The following RAD9B variants were observed in gnomAD, a reference collection of about 807,000 sequenced individuals.
RAD9B encodes RAD9 checkpoint clamp component B.
Under a neutral mutation model 48.3 loss-of-function variants are expected in RAD9B, and 41 were observed. That is an observed-to-expected ratio of 0.85 (90% CI 0.66 to 1.10). The LOEUF is 1.10. Among genes scored for constraint, RAD9B ranks in the 50% least tolerant of loss-of-function variants. The probability of loss-of-function intolerance (pLI) is 0.00; values close to 1 mark genes in which losing one functional copy is unlikely to be tolerated. For missense variants in RAD9B, 444 were observed against 485.1 expected (o/e 0.92, Z 0.80); for synonymous variants, 160 against 157.9 (o/e 1.01, Z -0.10).
At chr12:110,509,902 A>G (rs2063410336) in intron 4 of RAD9B, among the ~76,000 whole-genome samples, 1 of 152,172 alleles carries the variant, frequency 6.6e-6, no homozygotes, top group Non-Finnish European at 1.5e-5. Flanking sequence ...CTGTTCTTTT[A>G]TATCTTTTGC....
rs941710442 is a variant in RAD9B at position 110,519,933 on chromosome 12, A to C, written c.890+17A>C. ...ACGAAAAAGGTAAGACTGTGTTTTAACTTCTTTATTACTTGGGACAAGCCA... is the reference window on the plus strand; with the variant it reads ...ACGAAAAAGGTAAGACTGTGTTTTACCTTCTTTATTACTTGGGACAAGCCA... On this transcript the variant is annotated intron_variant, in intron 9 of 10. Transcript: ENST00000409300. The C allele has an allele frequency of 8.1e-6, 13 of 1,606,812 alleles. No homozygotes were observed. Among genetic ancestry groups the C allele is most frequent in the Non-Finnish European group, 1.1e-5 (13 of 1,177,362 alleles).
At chr12:110,503,442 A>T in intron 1 of RAD9B, 1 of 188,528 alleles carries the variant, frequency 5.3e-6, no homozygotes, top group Non-Finnish European at 1.1e-5. Context: ...ACTTCAGATT[A>T]TCTTCTCCAT....
In RAD9B at chr12:110,530,736, A is replaced by G; in HGVS notation, c.*83A>G. The G allele has an allele frequency of 1.3e-6, 2 of 1,581,064 alleles. No homozygotes were observed. The highest frequency in any genetic ancestry group is 2.3e-5 in the East Asian group (1 of 44,444). On this transcript the variant is annotated 3_prime_UTR_variant, in exon 11 of 11. Coordinates refer to ENST00000409300, the MANE Select transcript of RAD9B (RefSeq NM_001286535.2). ...GCACGAGTTTGCATGTTTAGTGTCT[A>G]AAAGAGGTTGTCCAGGACTTCCTTT... is the stretch of plus-strand genomic sequence containing the variant.
At chr12:110,517,960 G>A (rs911687986) in intron 6 of RAD9B, among the ~76,000 whole-genome samples, 3 of 151,932 alleles carry the variant, frequency 2.0e-5, no homozygotes, top group East Asian at 3.9e-4. Flanking sequence ...AGGCTGAGGC[G>A]GGTGGATCAC....
intron 4 of RAD9B, 37 bp from the exon 5 acceptor site, chr12:110,512,742 C>G (rs2063496112): frequency 1.2e-6 from 1 of 859,718 alleles, no homozygotes; most frequent in African/African-American, 1.7e-5. Context: ...TAGTTTTGTA[C>G]TTAAAATTAT....
At chr12:110,504,675 A>G (rs1228077334) in intron 2 of RAD9B, among the ~76,000 whole-genome samples, 1 of 151,878 alleles carries the variant, frequency 6.6e-6, no homozygotes, top group East Asian at 1.9e-4. Flanking sequence ...TCCCTTATAT[A>G]TTGCCTTTTG....
chr12:110,531,122 TG>T lies in RAD9B; in HGVS notation c.*470del. The T allele has an allele frequency of 1.0e-6, 1 of 993,226 alleles. No individual in the cohort carries two copies. 61.5% of individuals were successfully genotyped at this position (993,226 alleles called of 1,614,324 possible). A position where few individuals can be genotyped will look rare whatever the true frequency, so the allele number is the denominator to read the frequency against. On this transcript the variant is annotated 3_prime_UTR_variant, in exon 11 of 11. Coordinates refer to ENST00000409300, the MANE Select transcript of RAD9B (RefSeq NM_001286535.2). Reference sequence around the variant, plus strand: ...TAATACCATGGCCTTTTTTGTGCATTGTTTTTTATATTTTAAGACTTTAAGT... The same window carrying T: ...TAATACCATGGCCTTTTTTGTGCATTTTTTTTATATTTTAAGACTTTAAGT...
At chr12:110,523,619 A>G (rs2063849842) in intron 10 of RAD9B, among the ~76,000 whole-genome samples, 1 of 152,134 alleles carries the variant, frequency 6.6e-6, no homozygotes, top group African/African-American at 2.4e-5. Context: ...CTGTGTTCTC[A>G]TTGTACAAAA....
At chr12:110,510,392 T>C (rs1417119460) in intron 4 of RAD9B, among the ~76,000 whole-genome samples, 1 of 152,200 alleles carries the variant, frequency 6.6e-6, no homozygotes. Context: ...TGGAGATGTT[T>C]CCTCATTTTG....
rs781087334 is a variant in RAD9B at position 110,531,189 on chromosome 12, A to G, written c.*536A>G. On this transcript the variant is annotated 3_prime_UTR_variant, in exon 11 of 11. Transcript: ENST00000409300. ...AAAAAGATCAAGAGTAAAAATATAT[A>G]GTCACTTTCACTTGGCTTTTTTAGA... The G allele has an allele frequency of 9.1e-6, 9 of 986,994 alleles. No homozygotes were observed. Among genetic ancestry groups the G allele is most frequent in the Non-Finnish European group, 1.1e-5 (9 of 822,556 alleles). The allele number at this position is 986,994 out of a possible 1,614,324, so 61.1% of individuals were successfully genotyped here.
In RAD9B at chr12:110,506,696, A is replaced by G. The variant is rs374310229; in HGVS notation, c.388+3A>G. The G allele has an allele frequency of 1.2e-5, 17 of 1,384,570 alleles. No individual in the cohort carries two copies. The African/African-American group carries it at 2.3e-4, about 19-fold the overall frequency. 85.8% of individuals were successfully genotyped at this position (1,384,570 alleles called of 1,614,324 possible). On this transcript the variant is annotated splice_donor_region_variant and intron_variant, in intron 4 of 10. Transcript: ENST00000409300. Reference sequence around the variant, plus strand: ...TATTCAATTCTTCTACAGACATGGTAGGTATAATTAAAAGTGGTTTAAAAT... The same window carrying G: ...TATTCAATTCTTCTACAGACATGGTGGGTATAATTAAAAGTGGTTTAAAAT...
At chr12:110,525,534 G>C (rs1406038617) in intron 10 of RAD9B, among the ~76,000 whole-genome samples, 2 of 152,154 alleles carry the variant, frequency 1.3e-5, no homozygotes, top group African/African-American at 4.8e-5. Flanking sequence ...GAATTCAACA[G>C]AGTAATAATG....
At chr12:110,525,026 G>T (rs1022100519) in intron 10 of RAD9B, among the ~76,000 whole-genome samples, 3 of 151,416 alleles carry the variant, frequency 2.0e-5, no homozygotes, top group East Asian at 3.9e-4. Context: ...TTTCATTTTC[G>T]CCCAGGCTAG....
chr12:110,505,079 CTT>C (rs2063223059), intron 2 of RAD9B, among the ~76,000 whole-genome samples: 1 of 151,908 alleles, frequency 6.6e-6, no homozygotes, highest in African/African-American at 2.4e-5. Context: ...AACATGTAAA[CTT>C]TTAGATTTAA....
At chr12:110,525,410 G>A (rs1432645005) in intron 10 of RAD9B, among the ~76,000 whole-genome samples, 1 of 152,134 alleles carries the variant, frequency 6.6e-6, no homozygotes, top group East Asian at 1.9e-4. Context: ...ACAGGTATGA[G>A]CCACTGCACC....
intron 4 of RAD9B, among the ~76,000 whole-genome samples, chr12:110,510,411 C>T (rs554964582): frequency 1.3e-5 from 2 of 152,140 alleles, no homozygotes; most frequent in African/African-American, 4.8e-5. Context: ...TGAATTTCAC[C>T]CGGCCTTAGA....
chr12:110,513,090 C>T (rs759383186), intron 5 of RAD9B, among the ~76,000 whole-genome samples: 5 of 151,864 alleles, frequency 3.3e-5, no homozygotes, highest in Non-Finnish European at 5.9e-5. Context: ...CTCAGCCTCC[C>T]GAGTAGCTGG....
intron 4 of RAD9B, among the ~76,000 whole-genome samples, chr12:110,512,267 G>A (rs2063484364): frequency 6.6e-6 from 1 of 151,676 alleles, no homozygotes; most frequent in African/African-American, 2.4e-5. Flanking sequence ...TTGTGCCTCA[G>A]CCTCCCAGGT....
At chr12:110,527,721 CTAAA>C in intron 10 of RAD9B, among the ~76,000 whole-genome samples, 1 of 152,290 alleles carries the variant, frequency 6.6e-6, no homozygotes, top group South Asian at 2.1e-4. Flanking sequence ...TATAACATGA[CTAAA>C]TATATAATTT....
Sources: gnomAD v4.1 joint callset for allele counts (sites outside exome capture counted in the v4.1 genomes callset) on GRCh38, gnomAD v4.1.1 for gene constraint, MANE v1.5 for transcripts, NCBI Gene and HGNC (gene_info 2026-07-23, HGNC 2026-07-21) for gene names.